TFCP2: variants seen among roughly 807,000 people sequenced by gnomAD.
TFCP2 encodes transcription factor CP2.
Under a neutral mutation model 73.4 loss-of-function variants are expected in TFCP2, and 33 were observed. The observed-to-expected ratio is 0.45, with a 90% CI of 0.34 to 0.60. The LOEUF (loss-of-function observed/expected upper bound fraction) is 0.60, where lower values mean the gene tolerates loss of function less well. TFCP2 is among the 20% of genes least tolerant of loss of function. TFCP2 has a pLI of 0.01. For missense variants in TFCP2, 352 were observed against 604.0 expected, an observed-to-expected ratio of 0.58 and a Z score of 4.37; for synonymous variants, 193 against 211.6, an observed-to-expected ratio of 0.91 and a Z score of 0.76.
rs1566200024 is a variant in TFCP2, at chr12:51,103,659, G to GA, written c.1060+10dup. 2 of 1,608,162 alleles carry GA rather than the reference G, an allele frequency of 1.2e-6. No homozygotes were observed. The highest frequency in any genetic ancestry group is 3.4e-5 in the Admixed American group (2 of 58,552). ...CATGCTAGGGAAAACAAAAGAAAAA[G>GA]AAAATTTAACCTGAGAAGTTTGTGA... is the stretch of plus-strand genomic sequence containing the variant. On this transcript the variant is annotated intron_variant, in intron 10 of 14. Coordinates refer to ENST00000257915, the MANE Select transcript of TFCP2 (RefSeq NM_005653.5).
chr12:51,119,572 G>A (rs2730655), intron 1 of TFCP2, among the ~76,000 whole-genome samples: 83,301 of 151,704 alleles, frequency 0.55, 23,699 homozygotes, highest in Non-Finnish European at 0.62. Context: ...CCAACATGGC[G>A]AAACCCTGTC....
chr12:51,148,928 G>C (rs1941358272), intron 1 of TFCP2, among the ~76,000 whole-genome samples: 1 of 145,934 alleles, frequency 6.9e-6, no homozygotes. Flanking sequence ...AGGAGGCTGA[G>C]GCAGGAGAAT....
intron 1 of TFCP2, among the ~76,000 whole-genome samples, chr12:51,168,313 G>A (rs2137052406): frequency 6.6e-6 from 1 of 152,056 alleles, no homozygotes; most frequent in Middle Eastern, 3.4e-3. Context: ...CAGCTACTTG[G>A]GAGGACTGCT....
chr12:51,150,255 T>C (rs906900614), intron 1 of TFCP2, among the ~76,000 whole-genome samples: 4 of 152,012 alleles, frequency 2.6e-5, no homozygotes, highest in African/African-American at 9.7e-5. Flanking sequence ...TCTTCTCTAC[T>C]GAAAATACAA....
At chr12:51,154,488 G>C (rs751991291) in intron 1 of TFCP2, among the ~76,000 whole-genome samples, 1 of 152,204 alleles carries the variant, frequency 6.6e-6, no homozygotes, top group Non-Finnish European at 1.5e-5. Context: ...GAGATCAGGA[G>C]TTCGAGACCA....
chr12:51,135,432 C>CA (rs1437472786), intron 1 of TFCP2, among the ~76,000 whole-genome samples: 3 of 26,374 alleles, frequency 1.1e-4, no homozygotes, highest in African/African-American at 2.1e-4. Flanking sequence ...CACACACACA[C>CA]ACACAAAAAA....
chr12:51,099,642 C>G lies in TFCP2; in HGVS notation c.1276+13G>C. Reference sequence around the variant, plus strand: ...TTCTTCATATCTGTCCTAGTGTGTCCAGAACAACCTACCGAAGAAAGTACC... The same window carrying G: ...TTCTTCATATCTGTCCTAGTGTGTCGAGAACAACCTACCGAAGAAAGTACC... On this transcript the variant is annotated intron_variant, in intron 12 of 14. Transcript: ENST00000257915. The G allele has an allele frequency of 1.2e-6, 2 of 1,614,108 alleles. No homozygotes were observed. Among genetic ancestry groups the G allele is most frequent in the Middle Eastern group, 1.6e-4 (1 of 6,062 alleles).
rs1044655952 is a variant in TFCP2 at position 51,118,691 on chromosome 12, T to C, written c.204A>G (p.Gln68=). 14 of 1,614,140 alleles carry C rather than the reference T, an allele frequency of 8.7e-6. No individual in the cohort carries two copies. In the East Asian group the frequency reaches 1.1e-4, roughly 13 times the overall value. The stretch of plus-strand genomic sequence containing the variant: ...GAGAGGTAGCAGCACAAAGCACATA[T>C]TGAAAAGGCAGGATTTTATTCTCAT... ...PDNENKILPF[Q]YVLCAATSPA... The change falls in exon 2 of 15, where the codon CAA becomes CAG. Residue 68 remains glutamine (Q), a synonymous_variant. Coordinates refer to ENST00000257915, the MANE Select transcript of TFCP2 (RefSeq NM_005653.5).
intron 1 of TFCP2, among the ~76,000 whole-genome samples, chr12:51,158,612 C>G (rs1337640435): frequency 1.3e-5 from 2 of 151,358 alleles, no homozygotes; most frequent in African/African-American, 2.4e-5. Flanking sequence ...CCTCGGCCTC[C>G]CGAGTAGCTG....
chr12:51,152,660 A>T (rs2730650), intron 1 of TFCP2, among the ~76,000 whole-genome samples: 7 of 151,992 alleles, frequency 4.6e-5, no homozygotes, highest in Non-Finnish European at 8.8e-5. Context: ...ATTCTGAGAA[A>T]GAGAAGGATA....
chr12:51,161,412 G>A (rs1304699054), intron 1 of TFCP2, among the ~76,000 whole-genome samples: 2 of 152,022 alleles, frequency 1.3e-5, no homozygotes, highest in East Asian at 3.8e-4. Context: ...TGGGCACAGT[G>A]GCTCACGCCT....
At chr12:51,151,001 G>T (rs759530973) in intron 1 of TFCP2, among the ~76,000 whole-genome samples, 7 of 152,114 alleles carry the variant, frequency 4.6e-5, no homozygotes, top group Non-Finnish European at 1.0e-4. Flanking sequence ...AGCAAGGAGT[G>T]CTGGTGAGGG....
intron 1 of TFCP2, among the ~76,000 whole-genome samples, chr12:51,170,685 CTT>C: frequency 6.9e-6 from 1 of 145,862 alleles, no homozygotes; most frequent in Non-Finnish European, 1.5e-5. Context: ...TTCTCTCCCC[CTT>C]TTTTTTTTTG....
At chr12:51,123,770 T>A (rs967473408) in intron 1 of TFCP2, among the ~76,000 whole-genome samples, 1 of 152,194 alleles carries the variant, frequency 6.6e-6, no homozygotes, top group Non-Finnish European at 1.5e-5. Flanking sequence ...GGAAGACTTC[T>A]CTTTCCTGTT....
Position 51,140,505 on chromosome 12 carries a change from C to T in TFCP2, c.123-21733G>A, listed in dbSNP as rs113851371. Among the ~76,000 whole-genome samples the T allele has an allele frequency of 5.6e-3, 643 of 115,554 alleles. 3 individuals carry two copies. Among genetic ancestry groups the T allele is most frequent in the Non-Finnish European group, 8.0e-3 (486 of 60,986 alleles). The allele number at this position is 115,554 out of a possible 152,430, so 75.8% of individuals were successfully genotyped here. A position where few individuals can be genotyped will look rare whatever the true frequency, so the allele number is the denominator to read the frequency against. ...CTCAAAATGTTGCCCCGGCTAGTCT[C>T]AAAATCCTGGGCTCAAGTGATCCTC... is the stretch of plus-strand genomic sequence containing the variant. On this transcript the variant is annotated intron_variant, in intron 1 of 14. Coordinates refer to ENST00000257915, the MANE Select transcript of TFCP2 (RefSeq NM_005653.5).
intron 8 of TFCP2, among the ~76,000 whole-genome samples, chr12:51,104,896 T>C (rs996034166): frequency 3.3e-5 from 5 of 151,678 alleles, no homozygotes; most frequent in African/African-American, 1.2e-4. Flanking sequence ...ATATTTTTAG[T>C]AGAGACAGGG....
chr12:51,095,304 A>C, intron 14 of TFCP2, 26 bp from the exon 15 acceptor site: 2 of 1,605,640 alleles, frequency 1.2e-6, no homozygotes, highest in Non-Finnish European at 8.5e-7. Context: ...GAGAGAGAGA[A>C]TCATCTTTAG....
chr12:51,120,427 C>A (rs1940638214), intron 1 of TFCP2, among the ~76,000 whole-genome samples: 1 of 151,864 alleles, frequency 6.6e-6, no homozygotes, highest in Non-Finnish European at 1.5e-5. Flanking sequence ...ACAGGCAGAG[C>A]CAAAGAGAAC....
chr12:51,162,665 T>C (rs1941672930), intron 1 of TFCP2, among the ~76,000 whole-genome samples: 1 of 152,162 alleles, frequency 6.6e-6, no homozygotes, highest in Admixed American at 6.6e-5. Flanking sequence ...ACAAGAGCTC[T>C]TGAACGAAAT....
Sources: allele counts gnomAD v4.1 joint callset (sites outside exome capture counted in the v4.1 genomes callset), GRCh38; gene constraint gnomAD v4.1.1; transcripts MANE v1.5; gene names NCBI Gene and HGNC (gene_info 2026-07-23, HGNC 2026-07-21).